The following DNAJC24 variants were observed in gnomAD, a reference collection of about 807,000 sequenced individuals.
DNAJC24 encodes dnaJ homolog subfamily C member 24.
A neutral mutation model predicts 18.0 loss-of-function variants in DNAJC24; 17 were observed. The observed-to-expected ratio is 0.94, with a 90% CI of 0.65 to 1.42. The LOEUF (loss-of-function observed/expected upper bound fraction) is 1.42. Ranked by LOEUF, DNAJC24 falls within the 40% of genes most tolerant of loss-of-function variation. The probability of loss-of-function intolerance (pLI) is 0.00; values close to 1 mark genes in which losing one functional copy is unlikely to be tolerated. For missense variants in DNAJC24, 158 were observed against 175.6 expected (o/e 0.90, Z 0.57); for synonymous variants, 55 against 57.7 (o/e 0.95, Z 0.21).
In DNAJC24 at chr11:31,431,056, G is replaced by T. The variant is rs757838266; in HGVS notation, c.*655G>T. 5.9e-5 allele frequency: 9 copies of T among 152,144 alleles called. No homozygotes were observed. The highest frequency in any genetic ancestry group is 7.4e-5 in the Non-Finnish European group (5 of 68,026). 9.4% of individuals were successfully genotyped at this position (152,144 alleles called of 1,614,324 possible). A position where few individuals can be genotyped will look rare whatever the true frequency, so the allele number is the denominator to read the frequency against. ...TTTTTCTAAGACAGAGTCTCACTCT[G>T]TCGCGCCAGCTGGAGTGCAGTGCCA... is the stretch of plus-strand genomic sequence containing the variant. On this transcript the variant is annotated 3_prime_UTR_variant, in exon 5 of 5. Coordinates refer to ENST00000465995, the MANE Select transcript of DNAJC24 (RefSeq NM_181706.5).
At chr11:31,419,498 A>T (rs1474801118) in intron 3 of DNAJC24, among the ~76,000 whole-genome samples, 1 of 152,026 alleles carries the variant, frequency 6.6e-6, no homozygotes, top group Non-Finnish European at 1.5e-5. Context: ...GTATTTTAGG[A>T]TCATTTCTCA....
rs112601646 is a variant in DNAJC24, at chr11:31,380,608, G to A, written c.111+9749G>A. 7.9e-3 allele frequency among the ~76,000 whole-genome samples: 1,199 copies of A among 151,998 alleles called. 19 individuals are homozygous for A. The highest frequency in any genetic ancestry group is 0.028 in the African/African-American group (1,140 of 41,452). The stretch of plus-strand genomic sequence containing the variant: ...TTCTTTTATTTTTATAAAATAACTC[G>A]AACTTTATTATGTTTCTTATTAGGA... On this transcript the variant is annotated intron_variant, in intron 2 of 4. Coordinates refer to ENST00000465995, the MANE Select transcript of DNAJC24 (RefSeq NM_181706.5).
At position 31,418,899 on chromosome 11, in the gene DNAJC24, G is replaced by A. The variant is rs191991214; in HGVS notation, c.250+3950G>A. Among the ~76,000 whole-genome samples, 451 of 152,100 alleles carry A rather than the reference G, an allele frequency of 3.0e-3. 2 individuals are homozygous for A. Among genetic ancestry groups the A allele is most frequent in the African/African-American group, 1.0e-2 (415 of 41,548 alleles). ...ATAAATGGAAGCAGATAAATGGAAC[G>A]AAATATAAGCAAATCTTAAAACAAA... is the stretch of plus-strand genomic sequence containing the variant. On this transcript the variant is annotated intron_variant, in intron 3 of 4. Transcript: ENST00000465995.
In DNAJC24 at chr11:31,432,678, C is replaced by G; in HGVS notation, c.*2277C>G. On this transcript the variant is annotated 3_prime_UTR_variant, in exon 5 of 5. Coordinates refer to ENST00000465995, the MANE Select transcript of DNAJC24 (RefSeq NM_181706.5). Reference sequence around the variant, plus strand: ...TCTCTATGCCAGATAAACACTTTCTCCTTACTCATCAATCAAGAATAAAAT... The same window carrying G: ...TCTCTATGCCAGATAAACACTTTCTGCTTACTCATCAATCAAGAATAAAAT... 2.9e-6 allele frequency: 2 copies of G among 701,736 alleles called. No homozygotes were observed. Among genetic ancestry groups the G allele is most frequent in the Admixed American group, 4.8e-5 (2 of 41,788 alleles). The allele number at this position is 701,736 out of a possible 1,614,324, so 43.5% of individuals were successfully genotyped here.
At chr11:31,430,127 G>C (rs771816765) in intron 4 of DNAJC24, 144 bp from the exon 5 acceptor site, 47 of 654,276 alleles carry the variant, frequency 7.2e-5, no homozygotes, top group Non-Finnish European at 1.0e-4. Flanking sequence ...AAGAAATCCA[G>C]TTCTCCTTTA....
chr11:31,401,421 T>G (rs1591911283), intron 2 of DNAJC24, among the ~76,000 whole-genome samples: 1 of 152,016 alleles, frequency 6.6e-6, no homozygotes, highest in African/African-American at 2.4e-5. Flanking sequence ...CTCTCTTTCT[T>G]CCTCCTCCTC....
At position 31,426,267 on chromosome 11, in the gene DNAJC24, T is replaced by G; in HGVS notation, c.251-20T>G. Reference sequence around the variant, plus strand: ...AAGTATCATGTTTTACAATTAAGTGTCATGTTTTATGTTTTACAGAAGATG... The same window carrying G: ...AAGTATCATGTTTTACAATTAAGTGGCATGTTTTATGTTTTACAGAAGATG... On this transcript the variant is annotated intron_variant, in intron 3 of 4. Coordinates refer to ENST00000465995, the MANE Select transcript of DNAJC24 (RefSeq NM_181706.5). 6.9e-7 allele frequency: 1 copy of G among 1,452,326 alleles called. No individual in the cohort carries two copies. Among genetic ancestry groups the G allele is most frequent in the South Asian group, 1.2e-5 (1 of 80,408 alleles). The allele number at this position is 1,452,326 out of a possible 1,614,324, so 90.0% of individuals were successfully genotyped here. A position where few individuals can be genotyped will look rare whatever the true frequency, so the allele number is the denominator to read the frequency against.
At chr11:31,417,301 T>C (rs970202651) in intron 3 of DNAJC24, 1 of 152,124 alleles carries the variant, frequency 6.6e-6, no homozygotes, top group Non-Finnish European at 1.5e-5. Context: ...CAGAGCTATT[T>C]TTCAAAACTC....
intron 2 of DNAJC24, among the ~76,000 whole-genome samples, chr11:31,383,664 G>A (rs1021929172): frequency 3.9e-5 from 6 of 152,180 alleles, no homozygotes; most frequent in Admixed American, 3.3e-4. Flanking sequence ...GGAAAGCAAG[G>A]TTGCACAGAA....
At chr11:31,413,785 G>C (rs911847945) in intron 2 of DNAJC24, among the ~76,000 whole-genome samples, 2 of 152,124 alleles carry the variant, frequency 1.3e-5, no homozygotes, top group Non-Finnish European at 2.9e-5. Context: ...TTATTTACTT[G>C]AGAGTAAGAA....
chr11:31,416,594 A>G (rs978525593), intron 3 of DNAJC24: 3 of 152,086 alleles, frequency 2.0e-5, no homozygotes, highest in East Asian at 1.9e-4. Flanking sequence ...TATACTTTCA[A>G]TGTTGCTCTA....
At chr11:31,386,581 T>G (rs1001599883) in intron 2 of DNAJC24, among the ~76,000 whole-genome samples, 8 of 152,030 alleles carry the variant, frequency 5.3e-5, no homozygotes, top group Non-Finnish European at 1.0e-4. Flanking sequence ...ATGTTGGGCC[T>G]TGAACATCAC....
At chr11:31,379,484 C>A (rs994856985) in intron 2 of DNAJC24, among the ~76,000 whole-genome samples, 4 of 152,144 alleles carry the variant, frequency 2.6e-5, no homozygotes, top group African/African-American at 9.7e-5. Flanking sequence ...TCTCGCTGAC[C>A]CACCAAGTCT....
intron 4 of DNAJC24, among the ~76,000 whole-genome samples, chr11:31,428,901 C>A (rs1027664174): frequency 6.6e-6 from 1 of 152,050 alleles, no homozygotes; most frequent in African/African-American, 2.4e-5. Context: ...TCCACAGTAG[C>A]CCATGGTGTC....
intron 2 of DNAJC24, among the ~76,000 whole-genome samples, chr11:31,403,329 C>A (rs539282785): frequency 6.6e-6 from 1 of 152,246 alleles, no homozygotes; most frequent in South Asian, 2.1e-4. Flanking sequence ...GAGAATTGGG[C>A]AGCTCATGCT....
At chr11:31,423,014 C>A (rs1265645503) in intron 3 of DNAJC24, among the ~76,000 whole-genome samples, 1 of 152,140 alleles carries the variant, frequency 6.6e-6, no homozygotes, top group Non-Finnish European at 1.5e-5. Context: ...AAGTTAATCA[C>A]CCCTAGCCTT....
At chr11:31,373,937 G>C (rs1564945310) in intron 2 of DNAJC24, among the ~76,000 whole-genome samples, 2 of 134,638 alleles carry the variant, frequency 1.5e-5, no homozygotes, top group African/African-American at 2.5e-5. Flanking sequence ...TTATATACTG[G>C]TCTCTTATCC....
chr11:31,382,955 G>A (rs1952391572), intron 2 of DNAJC24, among the ~76,000 whole-genome samples: 1 of 152,124 alleles, frequency 6.6e-6, no homozygotes, highest in African/African-American at 2.4e-5. Context: ...TTGATTTGCT[G>A]AAGCAGCTTA....
rs1564960563 is a variant in DNAJC24, at chr11:31,430,918, AACTGTAG to A, written c.*519_*525del. ...TCAAAGTTAATAAAGACAAAGTGGC[AACTGTAG>A]AAAGTGTTGCCTCCAATCTTGGTCC... On this transcript the variant is annotated 3_prime_UTR_variant, in exon 5 of 5. Transcript: ENST00000465995. 6.6e-6 allele frequency: 1 copy of A among 152,596 alleles called. No individual in the cohort carries two copies. 9.5% of individuals were successfully genotyped at this position (152,596 alleles called of 1,614,324 possible).
Sources: allele counts gnomAD v4.1 joint callset (sites outside exome capture counted in the v4.1 genomes callset), GRCh38; gene constraint gnomAD v4.1.1; transcripts MANE v1.5; gene names NCBI Gene and HGNC (gene_info 2026-07-23, HGNC 2026-07-21).